JCAD: variants seen among roughly 807,000 people sequenced by gnomAD.
The protein encoded by JCAD is junctional cadherin 5-associated protein.
JCAD carries 40 observed loss-of-function variants against 98.0 expected under a neutral mutation model. The observed-to-expected ratio is 0.41, with a 90% CI of 0.32 to 0.53. The LOEUF (loss-of-function observed/expected upper bound fraction) is 0.53. Ranked by LOEUF, JCAD falls within the 20% of genes least tolerant of loss-of-function variation. The probability of loss-of-function intolerance (pLI) is 0.31; values close to 1 mark genes in which losing one functional copy is unlikely to be tolerated. For missense variants in JCAD, 1,705 were observed against 1,738.1 expected (o/e 0.98, Z 0.34); for synonymous variants, 691 against 682.3 (o/e 1.01, Z -0.20).
intron 2 of JCAD, among the ~76,000 whole-genome samples, chr10:30,065,662 A>G (rs568269334): frequency 1.3e-5 from 2 of 152,068 alleles, no homozygotes; most frequent in East Asian, 1.9e-4. Context: ...AACCATGCCC[A>G]GCTAATTTTT....
chr10:30,040,703 G>A (rs756566167), intron 2 of JCAD, among the ~76,000 whole-genome samples: 25 of 152,178 alleles, frequency 1.6e-4, no homozygotes, highest in Non-Finnish European at 1.6e-4. Flanking sequence ...GACACCCTAG[G>A]GAGGCCGCCT....
chr10:30,033,897 CTT>C, intron 2 of JCAD, among the ~76,000 whole-genome samples: 1 of 152,288 alleles, frequency 6.6e-6, no homozygotes, highest in East Asian at 1.9e-4. Context: ...GGAATTACCT[CTT>C]TGCCTTAAAA....
At chr10:30,081,480 G>A (rs1262027610) in intron 1 of JCAD, among the ~76,000 whole-genome samples, 1 of 152,168 alleles carries the variant, frequency 6.6e-6, no homozygotes, top group Non-Finnish European at 1.5e-5. Flanking sequence ...CACCCAGGCT[G>A]GAGTGCAGTG....
At chr10:30,038,173 C>T (rs575096997) in intron 2 of JCAD, among the ~76,000 whole-genome samples, 3 of 152,264 alleles carry the variant, frequency 2.0e-5, no homozygotes, top group Non-Finnish European at 2.9e-5. Context: ...CACGGTCCAC[C>T]GGCCCCACCC....
chr10:30,032,669 C>CT (rs1270692140), intron 2 of JCAD, among the ~76,000 whole-genome samples: 1 of 152,090 alleles, frequency 6.6e-6, no homozygotes. Context: ...TGCTTATACT[C>CT]TTTCTACTCA....
intron 3 of JCAD, among the ~76,000 whole-genome samples, chr10:30,023,438 C>A (rs776995381): frequency 8.5e-5 from 13 of 152,212 alleles, no homozygotes; most frequent in African/African-American, 2.9e-4. Flanking sequence ...AGGTTTGCAG[C>A]CTGGGACCAA....
chr10:30,111,164 C>G (rs1838694159), intron 1 of JCAD, among the ~76,000 whole-genome samples: 1 of 152,218 alleles, frequency 6.6e-6, no homozygotes, highest in African/African-American at 2.4e-5. Context: ...CCAGCTGTGG[C>G]TCTCCACTCA....
At chr10:30,038,059 T>C (rs1837153445) in intron 2 of JCAD, among the ~76,000 whole-genome samples, 1 of 152,164 alleles carries the variant, frequency 6.6e-6, no homozygotes, top group Admixed American at 6.5e-5. Flanking sequence ...TCTTTTGTGG[T>C]TGCCAGCAGG....
chr10:30,016,831 T>TG lies in JCAD; in HGVS notation c.*1051dup, dbSNP rs1196690814. The TG allele has an allele frequency of 6.6e-6, 1 of 152,182 alleles. No individual in the cohort carries two copies. The highest frequency in any genetic ancestry group is 2.4e-5 in the African/African-American group (1 of 41,440). The allele number at this position is 152,182 out of a possible 1,614,324, so 9.4% of individuals were successfully genotyped here. On this transcript the variant is annotated 3_prime_UTR_variant, in exon 4 of 4. Transcript: ENST00000375377. ...TCAAATATAACCTGATAGCTACACT[T>TG]GTACAAAAATCTTTGTGAAAAGTTT... is the stretch of plus-strand genomic sequence containing the variant.
rs1836804538 is a variant in JCAD, at chr10:30,026,534, T to A, written c.3614A>T (p.Asp1205Val). ...PLESKFFEQK[D>V]VETKPPFRST... The stretch of plus-strand genomic sequence containing the variant: ...CCTGAAGGGTGGTTTTGTTTCCACA[T>A]CCTTTTGTTCGAAGAACTTGGACTC... The change falls in exon 3 of 4, where the codon GAT (aspartate) becomes GTT (valine). Residue 1205 changes from aspartate to valine, a missense_variant. Asp to Val is a radical substitution (Grantham distance 152). Around this residue, in one of 3 missense-constraint regions of JCAD, gnomAD observed 1,278 missense variants for 1,243.1 expected, o/e 1.03. Transcript: ENST00000375377. 1.9e-6 allele frequency: 3 copies of A among 1,614,178 alleles called. No homozygotes were observed. The highest frequency in any genetic ancestry group is 4.5e-5 in the East Asian group (2 of 44,878).
At chr10:30,104,675 A>AG (rs1838536838) in intron 1 of JCAD, among the ~76,000 whole-genome samples, 2 of 152,212 alleles carry the variant, frequency 1.3e-5, no homozygotes, top group Admixed American at 6.5e-5. Context: ...AGCATCCCAC[A>AG]ATACACCCAT....
chr10:30,028,441 TTTC>T lies in JCAD; in HGVS notation c.1704_1706del (p.Lys569del). 1 of 1,614,220 alleles carries T rather than the reference TTTC, an allele frequency of 6.2e-7. No individual in the cohort carries two copies. Among genetic ancestry groups the T allele is most frequent in the Non-Finnish European group, 8.5e-7 (1 of 1,180,042 alleles). ...TCTCGTTCATTTTTTTCTTTGAACTTTTCTTGGTCCGAGTCCCAGTTTGGAACT... is the reference window on the plus strand; with the variant it reads ...TCTCGTTCATTTTTTTCTTTGAACTTTTGGTCCGAGTCCCAGTTTGGAACT... On this transcript the variant is annotated inframe_deletion, in exon 3 of 4. Transcript: ENST00000375377.
chr10:30,102,596 G>A (rs767191710), intron 1 of JCAD, among the ~76,000 whole-genome samples: 13 of 152,222 alleles, frequency 8.5e-5, no homozygotes, highest in African/African-American at 1.4e-4. Flanking sequence ...AACACCTTCC[G>A]CTTTCTACCC....
At chr10:30,110,845 GAT>G (rs1432233653) in intron 1 of JCAD, among the ~76,000 whole-genome samples, 1 of 151,688 alleles carries the variant, frequency 6.6e-6, no homozygotes, top group African/African-American at 2.4e-5. Flanking sequence ...TGCACTAACA[GAT>G]ATATGGGCCA....
chr10:30,035,873 C>T (rs11007870), intron 2 of JCAD, among the ~76,000 whole-genome samples: 493 of 152,206 alleles, frequency 3.2e-3, no homozygotes, highest in Non-Finnish European at 5.5e-3. Context: ...GTGAACGGGA[C>T]GGAGATGAAA....
At chr10:30,046,731 T>G (rs989503155) in intron 2 of JCAD, among the ~76,000 whole-genome samples, 1 of 152,184 alleles carries the variant, frequency 6.6e-6, no homozygotes, top group African/African-American at 2.4e-5. Context: ...TGCTATTTAT[T>G]GAAGGCCCAT....
At chr10:30,054,294 G>A (rs541152977) in intron 1 of JCAD, among the ~76,000 whole-genome samples, 1 of 152,196 alleles carries the variant, frequency 6.6e-6, no homozygotes, top group South Asian at 2.1e-4. Flanking sequence ...CAGAGGTGAT[G>A]GACTCTGAGT....
intron 1 of JCAD, among the ~76,000 whole-genome samples, chr10:30,057,164 G>A (rs1030500769): frequency 2.6e-5 from 4 of 152,092 alleles, no homozygotes; most frequent in African/African-American, 4.8e-5. Context: ...TGTTCTAAAC[G>A]CTCTCCAGAT....
intron 2 of JCAD, among the ~76,000 whole-genome samples, chr10:30,034,881 C>T (rs991766204): frequency 2.6e-5 from 4 of 152,266 alleles, no homozygotes; most frequent in East Asian, 3.9e-4. Flanking sequence ...AGGAAGTATG[C>T]GGTTGGTGCT....
Sources: allele counts gnomAD v4.1 joint callset (sites outside exome capture counted in the v4.1 genomes callset), GRCh38; gene constraint gnomAD v4.1.1; regional missense constraint gnomAD v4.1.1; transcripts MANE v1.5; gene names NCBI Gene and HGNC (gene_info 2026-07-23, HGNC 2026-07-21).